The following RNF43 variants were observed in gnomAD, a reference collection of about 807,000 sequenced individuals.
RNF43 encodes the protein ring finger protein 43.
RNF43 carries 37 observed loss-of-function variants against 78.4 expected under a neutral mutation model. That is an observed-to-expected ratio of 0.47 (90% CI 0.36 to 0.62). The LOEUF is 0.62. RNF43 is among the 20% of genes least tolerant of loss of function. RNF43 has a pLI of 0.00. For missense variants in RNF43, 774 were observed against 1,007.9 expected (o/e 0.77, Z 3.14); for synonymous variants, 347 against 395.0 (o/e 0.88, Z 1.44).
intron 2 of RNF43, among the ~76,000 whole-genome samples, chr17:58,395,686 G>T (rs1973665578): frequency 6.6e-6 from 1 of 152,114 alleles, no homozygotes; most frequent in African/African-American, 2.4e-5. Context: ...AAAGAAAGGT[G>T]GTTTCTCTAG....
At chr17:58,411,298 G>A (rs538740889) in intron 2 of RNF43, among the ~76,000 whole-genome samples, 1 of 152,184 alleles carries the variant, frequency 6.6e-6, no homozygotes, top group South Asian at 2.1e-4. Context: ...TCTTCTGTGT[G>A]TAGAACTAAA....
chr17:58,376,855 A>G (rs1973214869), intron 2 of RNF43, among the ~76,000 whole-genome samples: 1 of 152,130 alleles, frequency 6.6e-6, no homozygotes, highest in African/African-American at 2.4e-5. Flanking sequence ...GAGTTAGGAC[A>G]CCACTGTCTC....
chr17:58,414,811 TA>T (rs1459168173), intron 2 of RNF43, among the ~76,000 whole-genome samples: 1 of 152,206 alleles, frequency 6.6e-6, no homozygotes, highest in Non-Finnish European at 1.5e-5. Flanking sequence ...GGGTTAGCAA[TA>T]GGGTGCCACA....
In RNF43 at chr17:58,393,672, ATTAAT is replaced by A. The variant is rs1238643381; in HGVS notation, c.252+21649_252+21653del. ...GATTACAATGTAGGTCAAGAAATTGATTAATTTAATGTTTGCGCTTCATTGTAATA... is the reference window on the plus strand; with the variant it reads ...GATTACAATGTAGGTCAAGAAATTGATTAATGTTTGCGCTTCATTGTAATA... On this transcript the variant is annotated intron_variant, in intron 2 of 9. Transcript: ENST00000407977. 5.9e-5 allele frequency among the ~76,000 whole-genome samples: 9 copies of A among 152,324 alleles called. No individual in the cohort carries two copies. In the East Asian group the frequency reaches 1.5e-3, roughly 26 times the overall value.
intron 2 of RNF43, among the ~76,000 whole-genome samples, chr17:58,386,290 G>A (rs1410695935): frequency 1.3e-5 from 2 of 151,704 alleles, no homozygotes; most frequent in Admixed American, 6.6e-5. Flanking sequence ...GCCGGGCTTG[G>A]TGGTACGCGC....
At position 58,370,213 on chromosome 17, in the gene RNF43, CAT is replaced by C. The variant is rs1259857836; in HGVS notation, c.375+696_375+697del. Reference sequence around the variant, plus strand: ...CCTCCTGAGTAGCTGGGATTACAGGCATGTGCCACCACGCCTGGCTAATTTTT... The same window carrying C: ...CCTCCTGAGTAGCTGGGATTACAGGCGTGCCACCACGCCTGGCTAATTTTT... On this transcript the variant is annotated intron_variant, in intron 3 of 9. Coordinates refer to ENST00000407977, the MANE Select transcript of RNF43 (RefSeq NM_017763.6). Among the ~76,000 whole-genome samples, 26 of 151,956 alleles carry C rather than the reference CAT, an allele frequency of 1.7e-4. 1 individual carries two copies. Among genetic ancestry groups the C allele is most frequent in the African/African-American group, 4.8e-5 (2 of 41,362 alleles).
chr17:58,382,851 G>A (rs956212984), intron 2 of RNF43, among the ~76,000 whole-genome samples: 1 of 152,206 alleles, frequency 6.6e-6, no homozygotes, highest in African/African-American at 2.4e-5. Flanking sequence ...ATAAACACTG[G>A]GGTAATGTGG....
At chr17:58,383,937 C>G (rs1973378483) in intron 2 of RNF43, among the ~76,000 whole-genome samples, 1 of 152,186 alleles carries the variant, frequency 6.6e-6, no homozygotes, top group Admixed American at 6.5e-5. Flanking sequence ...GTTTTAAAGT[C>G]TTCAGTTGAA....
intron 2 of RNF43, among the ~76,000 whole-genome samples, chr17:58,372,255 G>A (rs560598624): frequency 3.3e-5 from 5 of 152,244 alleles, no homozygotes; most frequent in Non-Finnish European, 5.9e-5. Context: ...GTGTCACCGC[G>A]GTCCCTTGAA....
rs2143414153 is a variant in RNF43 at position 58,358,396 on chromosome 17, A to G, written c.1380T>C (p.Asp460=). The part of the protein sequence containing the change: ...YCTERSGYLA[D]GPASDSSSGP... ...CTGAGCTGGAGTCACTGGCTGGCCC[A>G]TCTGCCAGGTACCCACTGCGTTCTG... The change falls in exon 9 of 10, where the codon GAT becomes GAC. Residue 460 remains aspartate, a synonymous_variant. Transcript: ENST00000407977. The surrounding 1 kb of genome is among the most constrained non-coding windows in gnomAD (Gnocchi z 6.2). The G allele has an allele frequency of 6.2e-7, 1 of 1,614,136 alleles. No homozygotes were observed. Among genetic ancestry groups the G allele is most frequent in the African/African-American group, 1.3e-5 (1 of 75,050 alleles).
Position 58,360,042 on chromosome 17 carries a change from C to T in RNF43, c.952+107G>A, listed in dbSNP as rs1454514074. On this transcript the variant is annotated intron_variant, in intron 8 of 9. Transcript: ENST00000407977. The surrounding 1 kb of genome is among the most constrained non-coding windows in gnomAD (Gnocchi z 4.3). Reference sequence around the variant, plus strand: ...TGTACAGCCCATACAACTATGGTGGCAGTTCTGCTTTCTCCCCAGCTTCAA... The same window carrying T: ...TGTACAGCCCATACAACTATGGTGGTAGTTCTGCTTTCTCCCCAGCTTCAA... The T allele has an allele frequency of 4.4e-5, 35 of 790,134 alleles. No homozygotes were observed. Among genetic ancestry groups the T allele is most frequent in the Non-Finnish European group, 5.6e-5 (25 of 450,296 alleles). 48.9% of individuals were successfully genotyped at this position (790,134 alleles called of 1,614,324 possible).
intron 9 of RNF43, among the ~76,000 whole-genome samples, chr17:58,355,958 A>C (rs1437460318): frequency 6.6e-6 from 1 of 152,254 alleles, no homozygotes; most frequent in East Asian, 1.9e-4. Flanking sequence ...TACAGTTAAC[A>C]GAATCTGGCA....
chr17:58,380,300 C>A (rs1973286172), intron 2 of RNF43, among the ~76,000 whole-genome samples: 1 of 152,216 alleles, frequency 6.6e-6, no homozygotes, highest in African/African-American at 2.4e-5. Flanking sequence ...GGTCTTGACA[C>A]AGATGGCAAG....
At chr17:58,402,205 C>T (rs1973816676) in intron 2 of RNF43, among the ~76,000 whole-genome samples, 1 of 152,130 alleles carries the variant, frequency 6.6e-6, no homozygotes, top group African/African-American at 2.4e-5. Context: ...CTCAAAGGAT[C>T]CCTGTGAGGG....
chr17:58,385,189 T>C (rs1468310105), intron 2 of RNF43, among the ~76,000 whole-genome samples: 1 of 152,252 alleles, frequency 6.6e-6, no homozygotes, highest in African/African-American at 2.4e-5. Flanking sequence ...ATGTACTCTC[T>C]GATCTCTATT....
chr17:58,371,129 G>T, intron 2 of RNF43, 96 bp from the exon 3 acceptor site: 1 of 1,279,990 alleles, frequency 7.8e-7, no homozygotes, highest in South Asian at 1.9e-5. Flanking sequence ...GGAGGTACCA[G>T]GCAGGTCTCT....
intron 2 of RNF43, among the ~76,000 whole-genome samples, chr17:58,413,149 G>A (rs1379657114): frequency 1.3e-5 from 2 of 152,266 alleles, no homozygotes. Flanking sequence ...CTGAGTTGCA[G>A]TGTAATCTGA....
chr17:58,355,709 T>G (rs1165962771), intron 9 of RNF43, among the ~76,000 whole-genome samples: 1 of 152,150 alleles, frequency 6.6e-6, no homozygotes, highest in African/African-American at 2.4e-5. Context: ...TTTGAAGATT[T>G]CTGGACAGTT....
At chr17:58,368,846 C>G (rs969237364) in intron 3 of RNF43, among the ~76,000 whole-genome samples, 4 of 151,962 alleles carry the variant, frequency 2.6e-5, no homozygotes, top group African/African-American at 7.3e-5. Flanking sequence ...AAAACAAAAC[C>G]AAGTACTTGA....
Sources: gnomAD v4.1 joint callset for allele counts (sites outside exome capture counted in the v4.1 genomes callset) on GRCh38, gnomAD v4.1.1 for gene constraint, Gnocchi (gnomAD v3.1) non-coding constraint, MANE v1.5 for transcripts, NCBI Gene and HGNC (gene_info 2026-07-23, HGNC 2026-07-21) for gene names.